The following RBFOX1 variants were observed in gnomAD, a reference collection of about 807,000 sequenced individuals.
RBFOX1 encodes RNA binding protein fox-1 homolog 1.
In RBFOX1, 8 loss-of-function variants were observed where a neutral mutation model predicts 57.7. The ratio of observed to expected loss-of-function variants is 0.14; its 90% confidence interval spans 0.08 to 0.25. The LOEUF (loss-of-function observed/expected upper bound fraction) is 0.25. Among genes scored for constraint, RBFOX1 ranks in the 10% least tolerant of loss-of-function variants. The pLI, the probability that RBFOX1 is intolerant of heterozygous loss-of-function variation, is 1.00. For missense variants in RBFOX1, 611 were observed against 548.5 expected (o/e 1.11, Z -1.14); for synonymous variants, 326 against 222.4 (o/e 1.47, Z -4.15).
chr16:6,986,254 G>C (rs1039825800), intron 3 of RBFOX1, among the ~76,000 whole-genome samples: 1 of 151,558 alleles, frequency 6.6e-6, no homozygotes, highest in Non-Finnish European at 1.5e-5. Context: ...AGGCTGGAGT[G>C]CAATGGCATG....
At chr16:6,622,796 C>CT (rs1276440234) in intron 2 of RBFOX1, among the ~76,000 whole-genome samples, 2 of 152,178 alleles carry the variant, frequency 1.3e-5, no homozygotes, top group African/African-American at 4.8e-5. Flanking sequence ...ACTGAAGCCA[C>CT]TGATGAGCTG....
chr16:5,298,056 A>C (rs2151190885), intron 1 of RBFOX1, among the ~76,000 whole-genome samples: 1 of 152,312 alleles, frequency 6.6e-6, no homozygotes, highest in Middle Eastern at 3.4e-3. Context: ...AGTAGTAAAC[A>C]GTGAGTCCTT....
intron 4 of RBFOX1, among the ~76,000 whole-genome samples, chr16:5,912,908 G>A (rs190973364): frequency 1.2e-3 from 182 of 152,300 alleles, no homozygotes; most frequent in Admixed American, 2.3e-3. Flanking sequence ...CTGGCCTCCA[G>A]ACCCAAGAAC....
chr16:7,301,010 C>T (rs902404620), intron 4 of RBFOX1, among the ~76,000 whole-genome samples: 1 of 151,118 alleles, frequency 6.6e-6, no homozygotes, highest in Non-Finnish European at 1.5e-5. Context: ...CCCCACTTCT[C>T]CCATTTATTG....
At chr16:5,504,488 C>T (rs544610489) in intron 2 of RBFOX1, among the ~76,000 whole-genome samples, 107 of 152,218 alleles carry the variant, frequency 7.0e-4, no homozygotes, top group Non-Finnish European at 1.2e-3. Flanking sequence ...CAGTCACTGT[C>T]CACACACGCA....
At chr16:5,901,302 G>A (rs929867488) in intron 4 of RBFOX1, among the ~76,000 whole-genome samples, 2 of 152,112 alleles carry the variant, frequency 1.3e-5, no homozygotes, top group African/African-American at 4.8e-5. Context: ...TTTATGCTCT[G>A]GTAATCTGAT....
Position 5,954,102 on chromosome 16 carries a change from G to A in RBFOX1, c.351+86767G>A, listed in dbSNP as rs560050503. 5.9e-5 allele frequency among the ~76,000 whole-genome samples: 9 copies of A among 152,324 alleles called. No homozygotes were observed. The East Asian group carries it at 1.4e-3, about 23-fold the overall frequency. ...GCACAGGACAGCCCCCTGCCATCGAGAATGACGCAGTCCAAACGTCAGTGG... is the reference window on the plus strand; with the variant it reads ...GCACAGGACAGCCCCCTGCCATCGAAAATGACGCAGTCCAAACGTCAGTGG... On this transcript the variant is annotated intron_variant, in intron 4 of 19. Coordinates refer to the RBFOX1 transcript ENST00000641259.
chr16:7,217,889 C>T (rs1442778304), intron 4 of RBFOX1, among the ~76,000 whole-genome samples: 1 of 142,768 alleles, frequency 7.0e-6, no homozygotes, highest in Non-Finnish European at 1.5e-5. Flanking sequence ...CATGTGTGTG[C>T]ATGCGTATGT....
At chr16:6,751,118 G>A (rs1028193795) in intron 3 of RBFOX1, among the ~76,000 whole-genome samples, 1 of 152,154 alleles carries the variant, frequency 6.6e-6, no homozygotes, top group African/African-American at 2.4e-5. Context: ...GGTTTGAATA[G>A]CAGATAAAGG....
intron 3 of RBFOX1, among the ~76,000 whole-genome samples, chr16:6,777,386 C>G (rs375348011): frequency 7.2e-5 from 11 of 152,102 alleles, no homozygotes; most frequent in African/African-American, 2.7e-4. Context: ...GAAAGAGAAC[C>G]GAGGCAGGCG....
chr16:7,502,689 T>A (rs552156235), intron 4 of RBFOX1, among the ~76,000 whole-genome samples: 1 of 152,286 alleles, frequency 6.6e-6, no homozygotes, highest in African/African-American at 2.4e-5. Flanking sequence ...CATAAACTTT[T>A]ATGATGGGTA....
intron 4 of RBFOX1, among the ~76,000 whole-genome samples, chr16:7,099,774 G>T (rs552381345): frequency 4.1e-4 from 62 of 152,276 alleles, no homozygotes; most frequent in African/African-American, 1.1e-3. Flanking sequence ...ATATTCTGAT[G>T]GGCAAGTGGT....
At chr16:6,192,431 C>A (rs959152423) in intron 1 of RBFOX1, among the ~76,000 whole-genome samples, 3 of 151,658 alleles carry the variant, frequency 2.0e-5, no homozygotes, top group Admixed American at 1.3e-4. Context: ...TTATTTGAGC[C>A]CCTCTACCTC....
intron 1 of RBFOX1, among the ~76,000 whole-genome samples, chr16:6,227,711 A>G (rs1000288842): frequency 5.3e-5 from 8 of 152,236 alleles, no homozygotes; most frequent in Non-Finnish European, 1.5e-5. Context: ...GAGTTCCTCA[A>G]GAATAGCTGA....
chr16:6,855,418 G>T (rs1043365775), intron 3 of RBFOX1, among the ~76,000 whole-genome samples: 1 of 152,032 alleles, frequency 6.6e-6, no homozygotes, highest in Non-Finnish European at 1.5e-5. Context: ...TTGGGAGGGT[G>T]AGGCGGGCGG....
chr16:6,683,764 C>G (rs1355898613), intron 3 of RBFOX1, among the ~76,000 whole-genome samples: 2 of 152,140 alleles, frequency 1.3e-5, no homozygotes, highest in Admixed American at 6.5e-5. Context: ...AGAGATGGAG[C>G]TTTGCGGTCA....
At chr16:7,219,868 A>G (rs898978221) in intron 4 of RBFOX1, among the ~76,000 whole-genome samples, 1 of 152,206 alleles carries the variant, frequency 6.6e-6, no homozygotes, top group Admixed American at 6.5e-5. Context: ...GTATTTATAT[A>G]AAGAAGTTTT....
At chr16:7,309,992 G>A (rs2096272812) in intron 4 of RBFOX1, among the ~76,000 whole-genome samples, 1 of 152,188 alleles carries the variant, frequency 6.6e-6, no homozygotes, top group Non-Finnish European at 1.5e-5. Flanking sequence ...GCCGGGTGCT[G>A]CCCAAGAGAA....
intron 1 of RBFOX1, among the ~76,000 whole-genome samples, chr16:6,306,404 C>T (rs904852067): frequency 1.3e-5 from 2 of 152,150 alleles, no homozygotes; most frequent in South Asian, 2.1e-4. Flanking sequence ...GCTCATGCAT[C>T]GAAAGGAATG....
Sources: allele counts gnomAD v4.1 joint callset (sites outside exome capture counted in the v4.1 genomes callset), GRCh38; gene constraint gnomAD v4.1.1; transcripts MANE v1.5; gene names NCBI Gene and HGNC (gene_info 2026-07-23, HGNC 2026-07-21).